Variants in PIK3C2A observed in about 807,000 individuals in gnomAD.
The protein encoded by PIK3C2A is phosphatidylinositol-4-phosphate 3-kinase catalytic subunit type 2 alpha, also known as phosphatidylinositol 4-phosphate 3-kinase C2 domain-containing subunit alpha.
In PIK3C2A, 97 loss-of-function variants were observed where a neutral mutation model predicts 204.5. That is an observed-to-expected ratio of 0.47 (90% CI 0.40 to 0.56). The LOEUF (loss-of-function observed/expected upper bound fraction) is 0.56. PIK3C2A is among the 20% of genes least tolerant of loss of function. PIK3C2A has a pLI of 0.00. For synonymous variants in PIK3C2A, 653 were observed against 664.4 expected, an observed-to-expected ratio of 0.98 and a Z score of 0.26; for missense variants, 1,735 against 1,969.2, an observed-to-expected ratio of 0.88 and a Z score of 2.25.
intron 1 of PIK3C2A, among the ~76,000 whole-genome samples, chr11:17,171,391 C>T (rs1461785007): frequency 6.6e-6 from 1 of 152,056 alleles, no homozygotes; most frequent in Admixed American, 6.6e-5. Context: ...CAATGCTTGT[C>T]TACCGTATAT....
chr11:17,159,809 G>A (rs1850717585), intron 2 of PIK3C2A, among the ~76,000 whole-genome samples: 1 of 152,188 alleles, frequency 6.6e-6, no homozygotes, highest in African/African-American at 2.4e-5. Flanking sequence ...GGAGACAAAG[G>A]AGAGCAATGG....
At chr11:17,110,582 A>G in intron 21 of PIK3C2A, 21 bp from the exon 22 acceptor site, 1 of 1,600,532 alleles carries the variant, frequency 6.2e-7, no homozygotes, top group South Asian at 1.1e-5. Flanking sequence ...AGGAAACAAA[A>G]TGAAACTTGT....
rs1238402642 is a variant in PIK3C2A at position 17,117,617 on chromosome 11, A to C, written c.3090T>G (p.Val1030=). 11 of 1,612,968 alleles carry C rather than the reference A, an allele frequency of 6.8e-6. No homozygotes were observed. The highest frequency in any genetic ancestry group is 7.6e-6 in the Non-Finnish European group (9 of 1,179,148). ...CTCCTACTGACAGGAGAGCACCCAA[A>C]ACATGTTCGTATCGGGTACTAAACT... ...DVQFSTRYEH[V]LGALLSVGGK... is the part of the protein sequence containing the mutation. The change falls in exon 19 of 33, where the codon GTT becomes GTG. Residue 1030 remains valine, a synonymous_variant. Transcript: ENST00000691414.
At chr11:17,132,936 T>C (rs1025955572) in intron 11 of PIK3C2A, among the ~76,000 whole-genome samples, 1 of 152,208 alleles carries the variant, frequency 6.6e-6, no homozygotes, top group Non-Finnish European at 1.5e-5. Flanking sequence ...AGTCAGGTAA[T>C]CTTGTAAAGC....
intron 9 of PIK3C2A, 132 bp from the exon 10 acceptor site, chr11:17,135,291 A>G (rs1849834099): frequency 6.0e-6 from 5 of 838,536 alleles, no homozygotes; most frequent in Non-Finnish European, 7.7e-6. Context: ...AAAACGATAA[A>G]TAAATAATGC....
In PIK3C2A at chr11:17,119,294, T is replaced by G. The variant is rs1202980412; in HGVS notation, c.2866A>C (p.Arg956=). The change falls in exon 17 of 33, where the codon AGA becomes CGA. Residue 956 remains arginine, a synonymous_variant. Transcript: ENST00000691414. ...LDSKFADQEV[R]SLAVTWIEAI... ...TCAATCCAGGTCACAGCTAGGGATC[T>G]TACTTCCTGATCAGCAAATCTAGAA... 2 of 1,599,628 alleles carry G rather than the reference T, an allele frequency of 1.3e-6. No homozygotes were observed.
chr11:17,177,619 C>G (rs1293594024), intron 1 of PIK3C2A, among the ~76,000 whole-genome samples: 1 of 151,930 alleles, frequency 6.6e-6, no homozygotes, highest in East Asian at 1.9e-4. Flanking sequence ...AAGGAAAAAC[C>G]CCAGTACATG....
intron 2 of PIK3C2A, among the ~76,000 whole-genome samples, chr11:17,166,618 C>G (rs1350735254): frequency 6.6e-6 from 1 of 152,208 alleles, no homozygotes; most frequent in African/African-American, 2.4e-5. Flanking sequence ...TTGTGGGGCT[C>G]TGCCTTCTAC....
At chr11:17,189,575 A>G (rs1851870358) in intron 1 of PIK3C2A, among the ~76,000 whole-genome samples, 2 of 131,772 alleles carry the variant, frequency 1.5e-5, no homozygotes, top group Admixed American at 1.4e-4. Flanking sequence ...TAGTATATTC[A>G]GTTGTTTTTA....
intron 21 of PIK3C2A, 105 bp from the exon 22 acceptor site, chr11:17,110,666 C>G: frequency 3.2e-6 from 3 of 932,660 alleles, no homozygotes; most frequent in Admixed American, 2.7e-5. Flanking sequence ...CCAAAGTGGG[C>G]AGAACACCTG....
chr11:17,110,668 G>C, intron 21 of PIK3C2A, 107 bp from the exon 22 acceptor site: 1 of 896,104 alleles, frequency 1.1e-6, no homozygotes, highest in Non-Finnish European at 1.6e-6. Flanking sequence ...AAAGTGGGCA[G>C]AACACCTGAG....
At chr11:17,121,305 C>T (rs1313168346) in intron 15 of PIK3C2A, among the ~76,000 whole-genome samples, 1 of 151,628 alleles carries the variant, frequency 6.6e-6, no homozygotes, top group Non-Finnish European at 1.5e-5. Context: ...TTTGTAGAGA[C>T]AGGGTCTCAC....
chr11:17,162,957 T>C (rs1369918851), intron 2 of PIK3C2A, among the ~76,000 whole-genome samples: 3 of 152,204 alleles, frequency 2.0e-5, no homozygotes, highest in Non-Finnish European at 2.9e-5. Context: ...CAACAGATTT[T>C]AAAATTAAGC....
At chr11:17,170,766 A>C (rs1447209986) in intron 1 of PIK3C2A, among the ~76,000 whole-genome samples, 1 of 152,132 alleles carries the variant, frequency 6.6e-6, no homozygotes, top group Non-Finnish European at 1.5e-5. Context: ...ATATGATAAA[A>C]GGGTTAAATA....
intron 1 of PIK3C2A, among the ~76,000 whole-genome samples, chr11:17,172,838 T>C (rs1851222300): frequency 6.6e-6 from 1 of 152,214 alleles, no homozygotes; most frequent in African/African-American, 2.4e-5. Flanking sequence ...ATTGTTAACT[T>C]ATTTACTTGC....
intron 22 of PIK3C2A, among the ~76,000 whole-genome samples, chr11:17,109,670 CCT>C (rs1252877210): frequency 6.6e-6 from 1 of 152,044 alleles, no homozygotes; most frequent in Non-Finnish European, 1.5e-5. Flanking sequence ...CTCAAGTAAT[CCT>C]CTCACCCCAT....
intron 22 of PIK3C2A, 127 bp from the exon 23 acceptor site, chr11:17,105,432 A>T (rs1590910741): frequency 1.3e-6 from 1 of 742,464 alleles, no homozygotes; most frequent in East Asian, 2.9e-5. Context: ...AGAATGTGCA[A>T]GTTTGTTACA....
chr11:17,142,151 C>T (rs1427785647), intron 8 of PIK3C2A, among the ~76,000 whole-genome samples: 1 of 152,108 alleles, frequency 6.6e-6, no homozygotes. Flanking sequence ...ATAAAAAATT[C>T]AGTTTTGTAC....
At chr11:17,100,969 T>TA (rs1380911127) in intron 25 of PIK3C2A, among the ~76,000 whole-genome samples, 1 of 152,290 alleles carries the variant, frequency 6.6e-6, no homozygotes, top group East Asian at 1.9e-4. Flanking sequence ...ACACCCATAT[T>TA]AATACACAAA....
Sources: gnomAD v4.1 joint callset for allele counts (sites outside exome capture counted in the v4.1 genomes callset) on GRCh38, gnomAD v4.1.1 for gene constraint, MANE v1.5 for transcripts, NCBI Gene and HGNC (gene_info 2026-07-23, HGNC 2026-07-21) for gene names.